The following MIR2052HG variants were observed in gnomAD, a reference collection of about 807,000 sequenced individuals.
MIR2052HG encodes the protein MIR2052 host gene.
intron 1 of MIR2052HG, among the ~76,000 whole-genome samples, chr8:74,606,319 G>A (rs769599639): frequency 5.5e-4 from 83 of 152,244 alleles, no homozygotes; most frequent in African/African-American, 1.9e-3. Flanking sequence ...AGCCAAGATG[G>A]AGTCTGTCTG....
intron 4 of MIR2052HG, among the ~76,000 whole-genome samples, chr8:74,740,579 C>A (rs373638706): frequency 1.3e-5 from 2 of 152,022 alleles, no homozygotes; most frequent in African/African-American, 4.8e-5. Flanking sequence ...TTATGAAAAA[C>A]AGACATAAAG....
intron 2 of MIR2052HG, among the ~76,000 whole-genome samples, chr8:74,683,786 G>C (rs900606074): frequency 3.3e-5 from 5 of 152,030 alleles, no homozygotes; most frequent in Non-Finnish European, 7.4e-5. Context: ...GATTGTGGCT[G>C]GTATAAGCTA....
At chr8:74,641,030 T>C (rs1250349911) in intron 2 of MIR2052HG, among the ~76,000 whole-genome samples, 2 of 152,128 alleles carry the variant, frequency 1.3e-5, no homozygotes, top group Non-Finnish European at 2.9e-5. Context: ...AATATTAAGA[T>C]GGGTACTTTT....
At chr8:74,719,849 CT>C (rs10647233) in intron 4 of MIR2052HG, among the ~76,000 whole-genome samples, 30 of 106,732 alleles carry the variant, frequency 2.8e-4, no homozygotes, top group Admixed American at 4.6e-4. Context: ...TTTCTTTTTT[CT>C]TTTTTTTTTT....
intron 2 of MIR2052HG, among the ~76,000 whole-genome samples, chr8:74,656,454 T>A (rs560648357): frequency 2.0e-5 from 3 of 152,294 alleles, no homozygotes; most frequent in African/African-American, 7.2e-5. Flanking sequence ...ATTCTTGTGA[T>A]AGTGAATAAG....
chr8:74,725,017 T>A (rs1212128411), intron 4 of MIR2052HG, among the ~76,000 whole-genome samples: 1 of 152,172 alleles, frequency 6.6e-6, no homozygotes, highest in African/African-American at 2.4e-5. Context: ...TGAGTTCTTG[T>A]GCAGATAACT....
intron 2 of MIR2052HG, among the ~76,000 whole-genome samples, chr8:74,649,066 C>CA (rs534886663): frequency 0.053 from 7,431 of 139,308 alleles, 245 homozygotes; most frequent in South Asian, 0.078. Flanking sequence ...GAGACAGAGG[C>CA]AAAAAAAAAA....
intron 4 of MIR2052HG, among the ~76,000 whole-genome samples, chr8:74,724,981 G>A (rs570479307): frequency 2.9e-4 from 44 of 152,064 alleles, no homozygotes; most frequent in South Asian, 6.2e-4. Flanking sequence ...CTGTCTCCCC[G>A]TGAGAATACT....
chr8:74,724,981 G>T (rs570479307), intron 4 of MIR2052HG, among the ~76,000 whole-genome samples: 6 of 151,948 alleles, frequency 3.9e-5, no homozygotes, highest in Admixed American at 3.3e-4. Context: ...CTGTCTCCCC[G>T]TGAGAATACT....
intron 2 of MIR2052HG, among the ~76,000 whole-genome samples, chr8:74,684,347 A>G (rs1053344400): frequency 1.3e-4 from 20 of 152,088 alleles, no homozygotes; most frequent in Admixed American, 1.2e-3. Flanking sequence ...AAGCCAAACC[A>G]AACTACGCAA....
intron 2 of MIR2052HG, chr8:74,628,950 T>G (rs1022682617): frequency 6.6e-6 from 1 of 152,058 alleles, no homozygotes; most frequent in Non-Finnish European, 1.5e-5. Flanking sequence ...GGTTTTCCAG[T>G]AGTCTGATGG....
At position 74,661,200 on chromosome 8, in the gene MIR2052HG, C is replaced by CTT. The variant is rs552416471; in HGVS notation, n.217-41162_217-41161dup. Among the ~76,000 whole-genome samples, 37 of 127,426 alleles carry CTT rather than the reference C, an allele frequency of 2.9e-4. 1 individual carries two copies. Among genetic ancestry groups the CTT allele is most frequent in the African/African-American group, 5.1e-4 (18 of 35,500 alleles). The allele number at this position is 127,426 out of a possible 152,430, so 83.6% of individuals were successfully genotyped here. On this transcript the variant is annotated intron_variant and non_coding_transcript_variant, in intron 2 of 6. Coordinates refer to ENST00000523442, the Ensembl canonical transcript of MIR2052HG. ...CTTGGACTGGATGCCAGCTTAGGTC[C>CTT]TTTTTTTTTTTTTTTTTTCGAGACA... is the stretch of plus-strand genomic sequence containing the variant.
intron 2 of MIR2052HG, among the ~76,000 whole-genome samples, chr8:74,675,511 G>T (rs1029999292): frequency 6.6e-6 from 1 of 151,980 alleles, no homozygotes; most frequent in Non-Finnish European, 1.5e-5. Context: ...TATAGGGAGT[G>T]GGGGGTCCTG....
intron 4 of MIR2052HG, among the ~76,000 whole-genome samples, chr8:74,718,555 C>T (rs1303127566): frequency 2.6e-5 from 4 of 152,112 alleles, no homozygotes; most frequent in Non-Finnish European, 5.9e-5. Flanking sequence ...ATGTATCAGC[C>T]GTACTCACAA....
At chr8:74,603,759 G>C in intron 1 of MIR2052HG, 1 of 848,478 alleles carries the variant, frequency 1.2e-6, no homozygotes, top group Non-Finnish European at 2.1e-6. Context: ...TGACCACACA[G>C]ATCTGTTTGA....
intron 4 of MIR2052HG, among the ~76,000 whole-genome samples, chr8:74,737,136 CTT>C (rs1809774851): frequency 6.6e-6 from 1 of 152,200 alleles, no homozygotes; most frequent in Non-Finnish European, 1.5e-5. Context: ...AGAAGTATAA[CTT>C]TGTAACTTCA....
At chr8:74,725,020 A>G (rs1188845636) in intron 4 of MIR2052HG, among the ~76,000 whole-genome samples, 1 of 152,238 alleles carries the variant, frequency 6.6e-6, no homozygotes, top group Non-Finnish European at 1.5e-5. Context: ...GTTCTTGTGC[A>G]GATAACTTTT....
intron 2 of MIR2052HG, among the ~76,000 whole-genome samples, chr8:74,678,341 C>T (rs1809077746): frequency 6.6e-6 from 1 of 151,990 alleles, no homozygotes; most frequent in Admixed American, 6.6e-5. Flanking sequence ...GGCAGATCGC[C>T]TGAGGTCAGG....
chr8:74,734,417 A>C (rs1238937338), intron 4 of MIR2052HG, among the ~76,000 whole-genome samples: 1 of 152,214 alleles, frequency 6.6e-6, no homozygotes, highest in Non-Finnish European at 1.5e-5. Flanking sequence ...AAAATGTATA[A>C]AACACACTGT....
Sources: gnomAD v4.1 joint callset for allele counts (sites outside exome capture counted in the v4.1 genomes callset) on GRCh38, gnomAD v4.1.1 for gene constraint, MANE v1.5 for transcripts, NCBI Gene and HGNC (gene_info 2026-07-23, HGNC 2026-07-21) for gene names.